The following SHISA9 variants were observed in gnomAD, a reference collection of about 807,000 sequenced individuals.
SHISA9 encodes protein shisa-9.
In SHISA9, 13 loss-of-function variants were observed where a neutral mutation model predicts 38.0. That is an observed-to-expected ratio of 0.34 (90% CI 0.22 to 0.54). SHISA9 has a LOEUF of 0.54. SHISA9 is among the 20% of genes least tolerant of loss of function. SHISA9 has a pLI of 0.91. For missense variants in SHISA9, 538 were observed against 575.8 expected (o/e 0.93, Z 0.67); for synonymous variants, 275 against 242.0 (o/e 1.14, Z -1.27).
chr16:13,492,009 C>A, the SHISA9 span, among the ~76,000 whole-genome samples: 2 of 151,080 alleles, frequency 1.3e-5, no homozygotes, highest in Non-Finnish European at 2.9e-5. Flanking sequence ...AGCTAGTGAC[C>A]TTTTGAATAG....
At chr16:12,949,063 T>C (rs2071722263) in intron 2 of SHISA9, among the ~76,000 whole-genome samples, 1 of 152,196 alleles carries the variant, frequency 6.6e-6, no homozygotes, top group Non-Finnish European at 1.5e-5. Flanking sequence ...GATGAGATAA[T>C]GGCAATTAAG....
At chr16:13,307,732 T>G in the SHISA9 span, among the ~76,000 whole-genome samples, 1 of 152,354 alleles carries the variant, frequency 6.6e-6, no homozygotes, top group African/African-American at 2.4e-5. Flanking sequence ...AATAAGTTGT[T>G]TAGATGTGTT....
At chr16:13,170,201 T>C (rs2050673277) in intron 2 of SHISA9, among the ~76,000 whole-genome samples, 1 of 81,224 alleles carries the variant, frequency 1.2e-5, no homozygotes, top group Non-Finnish European at 2.5e-5. Flanking sequence ...AGACTCCATC[T>C]CAAAAAAAAA....
chr16:13,003,531 G>C (rs1401998492), intron 2 of SHISA9, among the ~76,000 whole-genome samples: 2 of 152,136 alleles, frequency 1.3e-5, no homozygotes, highest in Non-Finnish European at 2.9e-5. Flanking sequence ...GGACATAAAA[G>C]CAACCTGCAA....
At chr16:13,115,490 C>T (rs1484965389) in intron 2 of SHISA9, among the ~76,000 whole-genome samples, 2 of 152,240 alleles carry the variant, frequency 1.3e-5, no homozygotes, top group African/African-American at 4.8e-5. Flanking sequence ...TTGTTTGTGG[C>T]TTAAGAATGC....
chr16:13,351,581 G>A, the SHISA9 span, among the ~76,000 whole-genome samples: 1 of 152,088 alleles, frequency 6.6e-6, no homozygotes, highest in Non-Finnish European at 1.5e-5. Flanking sequence ...AATCCAAGGA[G>A]GATAAATCAA....
chr16:13,427,339 T>C, the SHISA9 span, among the ~76,000 whole-genome samples: 20 of 152,232 alleles, frequency 1.3e-4, no homozygotes, highest in South Asian at 2.1e-4. Flanking sequence ...GCTAGATGAA[T>C]GGTTGAGGCA....
intron 2 of SHISA9, among the ~76,000 whole-genome samples, chr16:12,939,089 CT>C (rs1275023029): frequency 6.6e-6 from 1 of 151,680 alleles, no homozygotes; most frequent in Non-Finnish European, 1.5e-5. Flanking sequence ...CTCTCCTCTC[CT>C]TTTCTTTCCT....
chr16:12,965,611 T>C (rs1292089578), intron 2 of SHISA9, among the ~76,000 whole-genome samples: 1 of 151,902 alleles, frequency 6.6e-6, no homozygotes, highest in Non-Finnish European at 1.5e-5. Flanking sequence ...ACTTAGGAGG[T>C]GGCTGCTTTT....
chr16:13,118,990 C>A (rs551626409), intron 2 of SHISA9, among the ~76,000 whole-genome samples: 2 of 152,142 alleles, frequency 1.3e-5, no homozygotes, highest in East Asian at 3.9e-4. Context: ...CCTCGGCCTC[C>A]CAAAGTGCTG....
At chr16:13,494,283 A>G in the SHISA9 span, among the ~76,000 whole-genome samples, 1 of 152,202 alleles carries the variant, frequency 6.6e-6, no homozygotes, top group African/African-American at 2.4e-5. Context: ...CAACAGCAGA[A>G]TAGATTAATC....
intron 2 of SHISA9, among the ~76,000 whole-genome samples, chr16:13,171,896 T>C (rs986201362): frequency 1.3e-5 from 2 of 152,198 alleles, no homozygotes; most frequent in African/African-American, 2.4e-5. Context: ...TCGGATTCTC[T>C]CCTCATTTGT....
At chr16:13,412,886 C>A in the SHISA9 span, among the ~76,000 whole-genome samples, 1 of 151,418 alleles carries the variant, frequency 6.6e-6, no homozygotes, top group Non-Finnish European at 1.5e-5. Context: ...AATAAACAAA[C>A]AAAACAAAAA....
the SHISA9 span, among the ~76,000 whole-genome samples, chr16:13,353,660 G>A: frequency 6.6e-6 from 1 of 152,280 alleles, no homozygotes; most frequent in South Asian, 2.1e-4. Context: ...CTATACAGGA[G>A]CTTAAATGGG....
intron 2 of SHISA9, among the ~76,000 whole-genome samples, chr16:13,168,156 C>T (rs1290319010): frequency 6.6e-6 from 1 of 152,156 alleles, no homozygotes; most frequent in African/African-American, 2.4e-5. Context: ...CTAACCAATC[C>T]AAAGCCCACA....
At chr16:13,254,620 A>G in the SHISA9 span, among the ~76,000 whole-genome samples, 1 of 152,204 alleles carries the variant, frequency 6.6e-6, no homozygotes, top group Non-Finnish European at 1.5e-5. Flanking sequence ...AATTACCATG[A>G]CGTTCTTTCC....
intron 2 of SHISA9, among the ~76,000 whole-genome samples, chr16:13,170,986 AAAG>A (rs1461670329): frequency 1.3e-5 from 2 of 152,192 alleles, no homozygotes; most frequent in African/African-American, 2.4e-5. Context: ...AAAAATAAAA[AAAG>A]AAAAAGAAAA....
chr16:13,073,634 A>G (rs548608482), intron 2 of SHISA9, among the ~76,000 whole-genome samples: 6 of 152,274 alleles, frequency 3.9e-5, no homozygotes, highest in African/African-American at 1.4e-4. Flanking sequence ...TGTGGCCATG[A>G]CCTTATTTGG....
chr16:13,017,121 G>C (rs901055794), intron 2 of SHISA9, among the ~76,000 whole-genome samples: 2 of 151,764 alleles, frequency 1.3e-5, no homozygotes, highest in African/African-American at 4.8e-5. Flanking sequence ...CTAGGTTTAA[G>C]TGATTCTCCT....
Sources: allele counts gnomAD v4.1 joint callset (sites outside exome capture counted in the v4.1 genomes callset), GRCh38; gene constraint gnomAD v4.1.1; transcripts MANE v1.5; gene names NCBI Gene and HGNC (gene_info 2026-07-23, HGNC 2026-07-21).